CEP126: variants seen among roughly 807,000 people sequenced by gnomAD.
CEP126 encodes centrosomal protein of 126 kDa.
CEP126 carries 74 observed loss-of-function variants against 107.8 expected under a neutral mutation model. The observed-to-expected ratio is 0.69, with a 90% confidence interval of 0.57 to 0.83. The LOEUF (loss-of-function observed/expected upper bound fraction) is 0.83, where lower values mean the gene tolerates loss of function less well. Among genes scored for constraint, CEP126 ranks in the 40% least tolerant of loss-of-function variants. The probability of loss-of-function intolerance (pLI) is 0.00; values close to 1 mark genes in which losing one functional copy is unlikely to be tolerated. For missense variants in CEP126, 1,237 were observed against 1,281.9 expected (o/e 0.96, Z 0.53); for synonymous variants, 449 against 446.0 (o/e 1.01, Z -0.08).
At chr11:101,966,748 A>G (rs1013544769) in intron 6 of CEP126, among the ~76,000 whole-genome samples, 2 of 152,202 alleles carry the variant, frequency 1.3e-5, no homozygotes, top group Non-Finnish European at 2.9e-5. Flanking sequence ...GACCTCATCA[A>G]CATTCATAAC....
At chr11:101,974,160 C>CA (rs34921611) in intron 6 of CEP126, among the ~76,000 whole-genome samples, 58,031 of 151,646 alleles carry the variant, frequency 0.38, 11,304 homozygotes, top group East Asian at 0.51. Context: ...ACACACAAAG[C>CA]AAAAAAGGTT....
intron 1 of CEP126, among the ~76,000 whole-genome samples, chr11:101,920,676 T>C (rs1253291999): frequency 6.6e-6 from 1 of 151,548 alleles, no homozygotes; most frequent in Non-Finnish European, 1.5e-5. Flanking sequence ...TGTTCTTAGC[T>C]CACTGCAGAC....
intron 4 of CEP126, chr11:101,956,663 CT>C: frequency 4.4e-6 from 2 of 456,304 alleles, no homozygotes; most frequent in South Asian, 3.1e-5. Flanking sequence ...ATCTATCCCT[CT>C]TTTTTCCTCT....
At chr11:101,942,203 A>C (rs772704596) in intron 2 of CEP126, among the ~76,000 whole-genome samples, 1 of 152,108 alleles carries the variant, frequency 6.6e-6, no homozygotes, top group Non-Finnish European at 1.5e-5. Flanking sequence ...AATTATTGTC[A>C]AACTCAATGT....
At chr11:101,927,883 A>T (rs570153686) in intron 2 of CEP126, among the ~76,000 whole-genome samples, 1 of 152,296 alleles carries the variant, frequency 6.6e-6, no homozygotes, top group South Asian at 2.1e-4. Context: ...TTTTTGTATA[A>T]ACATAAGCCT....
intron 2 of CEP126, among the ~76,000 whole-genome samples, chr11:101,938,826 A>G (rs1297811848): frequency 1.3e-5 from 2 of 151,900 alleles, no homozygotes; most frequent in Admixed American, 1.3e-4. Flanking sequence ...TCTTTGATCT[A>G]TGGTTTACTT....
intron 2 of CEP126, among the ~76,000 whole-genome samples, chr11:101,943,933 C>T (rs1940701195): frequency 6.6e-6 from 1 of 152,106 alleles, no homozygotes; most frequent in African/African-American, 2.4e-5. Context: ...TCATTCTTCA[C>T]ATTACAGAAA....
At chr11:101,928,924 C>T (rs1373771230) in intron 2 of CEP126, among the ~76,000 whole-genome samples, 1 of 152,082 alleles carries the variant, frequency 6.6e-6, no homozygotes, top group Non-Finnish European at 1.5e-5. Context: ...AAAATTATTG[C>T]TGAGAGTTTC....
Position 101,922,710 on chromosome 11 carries a change from A to G in CEP126, c.198A>G (p.Ile66Met), listed in dbSNP as rs1281430301. 1.2e-6 allele frequency: 2 copies of G among 1,612,914 alleles called. No homozygotes were observed. The highest frequency in any genetic ancestry group is 2.2e-5 in the East Asian group (1 of 44,828). Residue 66 changes from isoleucine (I) to methionine (M), a missense_variant, in exon 2 of 11, where the codon ATA becomes ATG. Around this residue, in one of 3 missense-constraint regions of CEP126, gnomAD observed 1,134 missense variants for 1,150.5 expected, o/e 0.99. Coordinates refer to ENST00000263468, the MANE Select transcript of CEP126 (RefSeq NM_020802.4). ...AGATATTACTGCAGCAACAAAAAAT[A>G]TGTCGAAATCGAGCACGTAAATATT... ...ERQILLQQQK[I>M]CRNRARKYFV...
chr11:101,921,777 CTTTTTTTTTTTTT>C (rs747642967), intron 1 of CEP126, among the ~76,000 whole-genome samples: 1 of 55,004 alleles, frequency 1.8e-5, no homozygotes, highest in Non-Finnish European at 3.3e-5. Flanking sequence ...TTCATGATTT[CTTTTTTTTTTTTT>C]TTTTTTTTTT....
intron 8 of CEP126, 46 bp downstream of exon 8, chr11:101,982,010 AT>A (rs765708034): frequency 2.5e-5 from 27 of 1,094,474 alleles, no homozygotes; most frequent in Middle Eastern, 4.2e-4. Flanking sequence ...GTTCCCAGTG[AT>A]TTTTTTTCTT....
At chr11:101,922,588 C>G in intron 1 of CEP126, 53 bp from the exon 2 acceptor site, 2 of 1,403,330 alleles carry the variant, frequency 1.4e-6, no homozygotes, top group Non-Finnish European at 1.0e-6. Flanking sequence ...ATAGCACTGA[C>G]AGTCATCCAC....
At chr11:101,950,778 A>G (rs1345805686) in intron 4 of CEP126, among the ~76,000 whole-genome samples, 1 of 152,222 alleles carries the variant, frequency 6.6e-6, no homozygotes, top group East Asian at 1.9e-4. Context: ...TGCTGATGGG[A>G]CAGGGGATGA....
intron 8 of CEP126, among the ~76,000 whole-genome samples, chr11:101,982,935 A>T (rs1311856975): frequency 6.6e-6 from 1 of 152,158 alleles, no homozygotes; most frequent in Admixed American, 6.6e-5. Context: ...CCCAAGGGGA[A>T]AAAAGATCCT....
chr11:101,996,873 T>C (rs1485998079), intron 10 of CEP126, among the ~76,000 whole-genome samples: 1 of 152,184 alleles, frequency 6.6e-6, no homozygotes, highest in African/African-American at 2.4e-5. Context: ...CCGTCGGACA[T>C]TGTTTTCACA....
intron 1 of CEP126, among the ~76,000 whole-genome samples, chr11:101,917,966 A>G (rs1468087431): frequency 1.3e-5 from 2 of 152,146 alleles, no homozygotes; most frequent in Non-Finnish European, 2.9e-5. Context: ...TCTTTTTCCT[A>G]TGAATGCCTC....
At chr11:101,990,767 G>T (rs763588363) in intron 9 of CEP126, among the ~76,000 whole-genome samples, 1 of 151,954 alleles carries the variant, frequency 6.6e-6, no homozygotes, top group African/African-American at 2.4e-5. Context: ...GTGCGCACAT[G>T]CAGGAAGGCC....
intron 6 of CEP126, among the ~76,000 whole-genome samples, chr11:101,971,280 T>G (rs536156485): frequency 6.6e-6 from 1 of 152,190 alleles, no homozygotes; most frequent in African/African-American, 2.4e-5. Flanking sequence ...AGCCTTACTT[T>G]GTTTTTTTAA....
intron 5 of CEP126, among the ~76,000 whole-genome samples, chr11:101,960,026 T>A (rs2137110055): frequency 6.6e-6 from 1 of 152,170 alleles, no homozygotes; most frequent in East Asian, 1.9e-4. Flanking sequence ...AAATTATAAA[T>A]CCACAGACTC....
Sources: allele counts gnomAD v4.1 joint callset (sites outside exome capture counted in the v4.1 genomes callset), GRCh38; gene constraint gnomAD v4.1.1; regional missense constraint gnomAD v4.1.1; transcripts MANE v1.5; gene names NCBI Gene and HGNC (gene_info 2026-07-23, HGNC 2026-07-21).